Variants in ZNF705G observed in about 807,000 individuals in gnomAD.
ZNF705G encodes putative zinc finger protein 705G.
In ZNF705G, 23 loss-of-function variants were observed where a neutral mutation model predicts 19.6. The observed-to-expected ratio is 1.17, with a 90% CI of 0.84 to 1.66. The LOEUF (loss-of-function observed/expected upper bound fraction) is 1.66. Ranked by LOEUF, ZNF705G falls within the 40% of genes most tolerant of loss-of-function variation. ZNF705G has a pLI of 0.00. For synonymous variants in ZNF705G, 146 were observed against 117.7 expected, an observed-to-expected ratio of 1.24 and a Z score of -1.56; for missense variants, 457 against 354.4, an observed-to-expected ratio of 1.29 and a Z score of -2.32.
intron 1 of ZNF705G, among the ~76,000 whole-genome samples, chr8:7,385,241 G>A (rs1041828272): frequency 1.7e-4 from 25 of 149,120 alleles, no homozygotes; most frequent in African/African-American, 3.4e-4. Context: ...CAAATGTTCC[G>A]CTTCTTAATA....
intron 4 of ZNF705G, 138 bp downstream of exon 4, chr8:7,360,972 T>C: frequency 2.6e-6 from 4 of 1,513,554 alleles, no homozygotes; most frequent in Non-Finnish European, 3.5e-6. Flanking sequence ...ATTTAGAGAG[T>C]TCAAACCTTT....
At chr8:7,362,102 G>C (rs1399865225) in intron 3 of ZNF705G, among the ~76,000 whole-genome samples, 1 of 149,444 alleles carries the variant, frequency 6.7e-6, no homozygotes, top group Non-Finnish European at 1.5e-5. Flanking sequence ...CACTACACTT[G>C]TTCAAAGATT....
Position 7,357,515 on chromosome 8 carries a change from C to T in ZNF705G, c.*461G>A, listed in dbSNP as rs907004581. ...CACACTGAATGCAGAGTTAGAGATT[C>T]TCTACCTGAAAGTCCCACATGTTTT... On this transcript the variant is annotated 3_prime_UTR_variant, in exon 7 of 7. Coordinates refer to ENST00000400156, the MANE Select transcript of ZNF705G (RefSeq NM_001164457.3). 8 of 195,914 alleles carry T rather than the reference C, an allele frequency of 4.1e-5. No individual in the cohort carries two copies. The highest frequency in any genetic ancestry group is 8.1e-5 in the Non-Finnish European group (8 of 98,326). 12.1% of individuals were successfully genotyped at this position (195,914 alleles called of 1,614,324 possible). A position where few individuals can be genotyped will look rare whatever the true frequency, so the allele number is the denominator to read the frequency against.
chr8:7,359,558 A>G lies in ZNF705G; in HGVS notation c.318+61T>C, dbSNP rs144562429. On this transcript the variant is annotated intron_variant, in intron 6 of 6. Coordinates refer to ENST00000400156, the MANE Select transcript of ZNF705G (RefSeq NM_001164457.3). ...ACTCAGGTGATTGTGCTTCATTACT[A>G]ACTTAATCCATTAACATGTCTTTAA... 8.8e-4 allele frequency: 1,404 copies of G among 1,599,174 alleles called. 127 individuals are homozygous for G. The African/African-American group carries it at 0.016, about 18-fold the overall frequency.
Position 7,358,209 on chromosome 8 carries a change from C to G in ZNF705G, c.670G>C (p.Gly224Arg), listed in dbSNP as rs767632998. Residue 224 changes from glycine (G) to arginine (R), a missense_variant, in exon 7 of 7, where the codon GGA becomes CGA. Physicochemically the swap from Gly to Arg is moderately radical, Grantham distance 125. Transcript: ENST00000400156. ...TGATGACACTTATATGGTCTCTGTC[C>G]CGTGTGAGTTTTCTCGTGTCTTCTA... ...HLRRHEKTHT[G>R]QRPYKCHQYG... 1 of 1,607,494 alleles carries G rather than the reference C, an allele frequency of 6.2e-7. No homozygotes were observed. Among genetic ancestry groups the G allele is most frequent in the Non-Finnish European group, 8.5e-7 (1 of 1,179,612 alleles).
intron 3 of ZNF705G, among the ~76,000 whole-genome samples, chr8:7,361,705 A>T (rs1298900211): frequency 6.7e-6 from 1 of 149,662 alleles, no homozygotes; most frequent in Admixed American, 6.6e-5. Context: ...TGGTTAAAAG[A>T]CCTATGATGT....
In ZNF705G at chr8:7,360,495, A is replaced by T. The variant is rs548362060; in HGVS notation, c.140-163T>A. Reference sequence around the variant, plus strand: ...CTCCCCAGGATTTTTCTGACCCAATATGAGACTACAAAATAAATCCAAACC... The same window carrying T: ...CTCCCCAGGATTTTTCTGACCCAATTTGAGACTACAAAATAAATCCAAACC... On this transcript the variant is annotated intron_variant, in intron 4 of 6. Coordinates refer to ENST00000400156, the MANE Select transcript of ZNF705G (RefSeq NM_001164457.3). 4.7e-3 allele frequency among the ~76,000 whole-genome samples: 708 copies of T among 149,370 alleles called. 71 individuals are homozygous for T. Among genetic ancestry groups the T allele is most frequent in the African/African-American group, 0.018 (684 of 38,858 alleles).
chr8:7,369,468 C>T lies in ZNF705G; in HGVS notation c.-71-6451G>A, dbSNP rs577422131. ...CCTCCAGACCCGAGAATGGTAGATC[C>T]ACTGTCAGCTTGCACCCTGAGCCTG... On this transcript the variant is annotated intron_variant, in intron 2 of 6. Transcript: ENST00000400156. 4.9e-4 allele frequency among the ~76,000 whole-genome samples: 73 copies of T among 149,610 alleles called. 8 individuals are homozygous for T. Among genetic ancestry groups the T allele is most frequent in the African/African-American group, 1.8e-3 (71 of 39,028 alleles).
chr8:7,371,005 C>A (rs1284532340), intron 2 of ZNF705G, among the ~76,000 whole-genome samples: 15 of 130,620 alleles, frequency 1.1e-4, no homozygotes, highest in Non-Finnish European at 2.2e-4. Context: ...CAAGTGGGAG[C>A]AGAACGGTGA....
intron 2 of ZNF705G, among the ~76,000 whole-genome samples, chr8:7,364,334 T>A (rs1806754861): frequency 6.7e-6 from 1 of 149,586 alleles, no homozygotes; most frequent in African/African-American, 2.6e-5. Context: ...AAACAAAAAA[T>A]TTACTGACCC....
In ZNF705G at chr8:7,365,070, G is replaced by T. The variant is rs557016970; in HGVS notation, c.-71-2053C>A. 2.7e-4 allele frequency among the ~76,000 whole-genome samples: 40 copies of T among 149,520 alleles called. 6 individuals are homozygous for T. Among genetic ancestry groups the T allele is most frequent in the African/African-American group, 1.0e-3 (40 of 38,956 alleles). On this transcript the variant is annotated intron_variant, in intron 2 of 6. Transcript: ENST00000400156. ...CTGGTCATATACAGACTGTGCCAGG[G>T]ACAAAGAAAGGACAAATATTATAAG...
chr8:7,383,138 T>A lies in ZNF705G; in HGVS notation c.-221-1537A>T, dbSNP rs1344910962. Among the ~76,000 whole-genome samples the A allele has an allele frequency of 3.3e-5, 5 of 150,266 alleles. No individual in the cohort carries two copies. The East Asian group carries it at 5.8e-4, about 17-fold the overall frequency. On this transcript the variant is annotated intron_variant, in intron 1 of 6. Coordinates refer to ENST00000400156, the MANE Select transcript of ZNF705G (RefSeq NM_001164457.3). ...GTTCAATGTTTGATTTTTTTTTTTT[T>A]TTTTTTTTGCTACCTGGTTAAAAGC...
At position 7,362,862 on chromosome 8, in the gene ZNF705G, C is replaced by T. The variant is rs1385152059; in HGVS notation, c.12+73G>A. 3.8e-6 allele frequency: 6 copies of T among 1,580,714 alleles called. No homozygotes were observed. In the East Asian group the frequency reaches 1.3e-4, roughly 35 times the overall value. ...AAAGAATAAAAATGAAACACCCATG[C>T]AAATTGGAGAAAACTGCCCATTTGC... is the stretch of plus-strand genomic sequence containing the variant. On this transcript the variant is annotated intron_variant, in intron 3 of 6. Coordinates refer to ENST00000400156, the MANE Select transcript of ZNF705G (RefSeq NM_001164457.3).
intron 2 of ZNF705G, among the ~76,000 whole-genome samples, chr8:7,365,230 G>T (rs139113846): frequency 6.7e-6 from 1 of 149,510 alleles, no homozygotes; most frequent in Non-Finnish European, 1.5e-5. Context: ...AAAAACTTAT[G>T]TTATGGGTCT....
intron 6 of ZNF705G, 76 bp from the exon 7 acceptor site, chr8:7,358,636 C>G: frequency 6.3e-7 from 1 of 1,583,002 alleles, no homozygotes; most frequent in South Asian, 1.2e-5. Context: ...CCTTTGAATC[C>G]TAGACCAACC....
At chr8:7,379,686 G>A (rs1356933675) in intron 2 of ZNF705G, among the ~76,000 whole-genome samples, 3 of 147,176 alleles carry the variant, frequency 2.0e-5, no homozygotes, top group Non-Finnish European at 4.4e-5. Context: ...GAGCCCCAGT[G>A]GTCCATATTC....
At chr8:7,383,958 G>C (rs1260069679) in intron 1 of ZNF705G, among the ~76,000 whole-genome samples, 2 of 141,206 alleles carry the variant, frequency 1.4e-5, no homozygotes, top group African/African-American at 6.1e-5. Flanking sequence ...AGGAAACTCA[G>C]GGATGCATAC....
At chr8:7,366,943 C>T (rs1350937652) in intron 2 of ZNF705G, among the ~76,000 whole-genome samples, 2 of 149,772 alleles carry the variant, frequency 1.3e-5, no homozygotes, top group African/African-American at 2.6e-5. Flanking sequence ...GCTATTACTA[C>T]TAAGGATATG....
chr8:7,358,911 C>T (rs1301110168), intron 6 of ZNF705G, among the ~76,000 whole-genome samples: 1 of 149,462 alleles, frequency 6.7e-6, no homozygotes, highest in African/African-American at 2.6e-5. Flanking sequence ...CTTTTCTTTA[C>T]AAGTGCAGTC....
Sources: allele counts gnomAD v4.1 joint callset (sites outside exome capture counted in the v4.1 genomes callset), GRCh38; gene constraint gnomAD v4.1.1; transcripts MANE v1.5; gene names NCBI Gene and HGNC (gene_info 2026-07-23, HGNC 2026-07-21).